CABLES1: variants seen among roughly 807,000 people sequenced by gnomAD.
CABLES1 encodes the protein CDK5 and ABL1 enzyme substrate 1.
CABLES1 carries 36 observed loss-of-function variants against 57.8 expected under a neutral mutation model. That is an observed-to-expected ratio of 0.62 (90% CI 0.48 to 0.82). CABLES1 has a LOEUF of 0.82. CABLES1 is among the 40% of genes least tolerant of loss of function. The pLI is 0.00. For synonymous variants in CABLES1, 374 were observed against 363.0 expected (o/e 1.03, Z -0.35); for missense variants, 767 against 836.6 (o/e 0.92, Z 1.03).
intron 1 of CABLES1, among the ~76,000 whole-genome samples, chr18:23,161,937 G>A (rs1030854903): frequency 2.0e-5 from 3 of 150,808 alleles, no homozygotes; most frequent in Non-Finnish European, 4.4e-5. Context: ...AAAAAAAAGC[G>A]GGTGGATCAC....
At chr18:23,162,128 G>T (rs1163337476) in intron 1 of CABLES1, among the ~76,000 whole-genome samples, 1 of 151,698 alleles carries the variant, frequency 6.6e-6, no homozygotes, top group Non-Finnish European at 1.5e-5. Context: ...CTGCACCATT[G>T]CACTCCAGCC....
At chr18:23,215,238 C>T (rs1598834147) in intron 4 of CABLES1, among the ~76,000 whole-genome samples, 1 of 152,142 alleles carries the variant, frequency 6.6e-6, no homozygotes, top group Non-Finnish European at 1.5e-5. Context: ...GGCCAGTGGG[C>T]TGCCCAGAGA....
intron 9 of CABLES1, 33 bp from the exon 10 acceptor site, chr18:23,257,194 A>T (rs778732296): frequency 8.1e-6 from 13 of 1,606,804 alleles, no homozygotes; most frequent in Non-Finnish European, 9.3e-6. Flanking sequence ...TAATTTCAAA[A>T]TGAACATGCT....
chr18:23,233,737 TG>T (rs1437083517), intron 4 of CABLES1, among the ~76,000 whole-genome samples: 1 of 152,204 alleles, frequency 6.6e-6, no homozygotes, highest in Non-Finnish European at 1.5e-5. Flanking sequence ...AATGATTACT[TG>T]TTATTACTAG....
intron 1 of CABLES1, among the ~76,000 whole-genome samples, chr18:23,145,361 G>A (rs925969806): frequency 1.3e-5 from 2 of 152,232 alleles, no homozygotes; most frequent in East Asian, 1.9e-4. Flanking sequence ...CCAAAGTGCT[G>A]GGATTACAGG....
At chr18:23,185,701 C>T (rs1311960641) in intron 1 of CABLES1, among the ~76,000 whole-genome samples, 1 of 152,186 alleles carries the variant, frequency 6.6e-6, no homozygotes, top group East Asian at 1.9e-4. Context: ...CATCAATTGC[C>T]TATTTACTGG....
chr18:23,187,411 G>A (rs1480610234), intron 1 of CABLES1, among the ~76,000 whole-genome samples: 3 of 152,102 alleles, frequency 2.0e-5, no homozygotes, highest in Non-Finnish European at 4.4e-5. Flanking sequence ...TTTTTGAGAC[G>A]GAGTCTCGCT....
At chr18:23,161,775 A>C (rs1423780476) in intron 1 of CABLES1, among the ~76,000 whole-genome samples, 1 of 148,386 alleles carries the variant, frequency 6.7e-6, no homozygotes, top group African/African-American at 2.5e-5. Context: ...AAAAAAAAAA[A>C]GCCAGGTGTG....
chr18:23,184,874 G>T (rs1285039718), intron 1 of CABLES1, among the ~76,000 whole-genome samples: 1 of 151,988 alleles, frequency 6.6e-6, no homozygotes, highest in Non-Finnish European at 1.5e-5. Flanking sequence ...AGCTCTCTGG[G>T]GTCCCCTTTA....
chr18:23,177,598 G>A (rs532383130), intron 1 of CABLES1, among the ~76,000 whole-genome samples: 8 of 152,072 alleles, frequency 5.3e-5, no homozygotes, highest in Non-Finnish European at 1.0e-4. Context: ...CCTGGTTCCC[G>A]CTGGGCTCTT....
intron 7 of CABLES1, among the ~76,000 whole-genome samples, chr18:23,251,746 C>T (rs560498809): frequency 6.6e-6 from 1 of 152,094 alleles, no homozygotes; most frequent in African/African-American, 2.4e-5. Flanking sequence ...GTTGTTCAAC[C>T]TTAAAGGAAA....
chr18:23,145,340 G>A (rs148443997), intron 1 of CABLES1, among the ~76,000 whole-genome samples: 4,165 of 152,106 alleles, frequency 0.027, 143 homozygotes, highest in African/African-American at 0.079. Context: ...TGATCCACCC[G>A]TCTCGGCCTC....
intron 1 of CABLES1, among the ~76,000 whole-genome samples, chr18:23,156,540 C>A (rs1016257600): frequency 4.6e-5 from 7 of 152,126 alleles, no homozygotes; most frequent in African/African-American, 1.7e-4. Context: ...ATCTCATTAC[C>A]CCCAGTAGTT....
At chr18:23,192,501 A>G (rs1323507007) in intron 2 of CABLES1, among the ~76,000 whole-genome samples, 2 of 152,054 alleles carry the variant, frequency 1.3e-5, no homozygotes, top group East Asian at 3.9e-4. Flanking sequence ...TGCAGCTGGG[A>G]GGTGGGAGGA....
At chr18:23,201,721 C>G (rs1418972242) in intron 3 of CABLES1, among the ~76,000 whole-genome samples, 1 of 152,208 alleles carries the variant, frequency 6.6e-6, no homozygotes, top group Non-Finnish European at 1.5e-5. Context: ...TACTCTGTGA[C>G]TATTGGGATG....
chr18:23,255,717 G>A (rs527457872), intron 9 of CABLES1, among the ~76,000 whole-genome samples: 4 of 151,788 alleles, frequency 2.6e-5, no homozygotes, highest in African/African-American at 4.8e-5. Context: ...GTACCACTGC[G>A]CCTGGCTAAT....
At chr18:23,155,249 TA>T (rs1315890322) in intron 1 of CABLES1, among the ~76,000 whole-genome samples, 9 of 152,038 alleles carry the variant, frequency 5.9e-5, no homozygotes, top group African/African-American at 1.4e-4. Context: ...AGATCTGGAA[TA>T]AAAAAAATAT....
intron 4 of CABLES1, among the ~76,000 whole-genome samples, chr18:23,229,151 G>A (rs567916299): frequency 1.3e-5 from 2 of 152,262 alleles, no homozygotes; most frequent in African/African-American, 2.4e-5. Context: ...GGTGGCTCAC[G>A]GCTGCAACCC....
chr18:23,248,221 G>A lies in CABLES1; in HGVS notation c.1447-4739G>A, dbSNP rs552999822. ...GGCAGGGGCAGGACTCAGACTCAAC[G>A]GATCGGATATCGTCAGTGCCTTTAT... On this transcript the variant is annotated intron_variant, in intron 7 of 9. Coordinates refer to ENST00000256925, the MANE Select transcript of CABLES1 (RefSeq NM_001100619.3). Among the ~76,000 whole-genome samples the A allele has an allele frequency of 3.3e-4, 51 of 152,294 alleles. No homozygotes were observed. In the South Asian group the frequency reaches 4.4e-3, roughly 13 times the overall value.
Sources: gnomAD v4.1 joint callset for allele counts (sites outside exome capture counted in the v4.1 genomes callset) on GRCh38, gnomAD v4.1.1 for gene constraint, MANE v1.5 for transcripts, NCBI Gene and HGNC (gene_info 2026-07-23, HGNC 2026-07-21) for gene names.